The following PMP22 variants were observed in gnomAD, a reference collection of about 807,000 sequenced individuals.
PMP22 encodes Charcot-Marie-Tooth neuropathy 1A (greatly reduced nerve conduction velocity, hereditary motor sensory neuropathy Ia).
Under a neutral mutation model 18.9 loss-of-function variants are expected in PMP22, and 2 were observed. The observed-to-expected ratio is 0.11, with a 90% confidence interval of 0.04 to 0.33. The LOEUF (loss-of-function observed/expected upper bound fraction) is 0.33. Ranked by LOEUF, PMP22 falls within the 10% of genes least tolerant of loss-of-function variation. PMP22 has a pLI of 1.00. For synonymous variants in PMP22, 95 were observed against 89.2 expected (o/e 1.07, Z -0.37); for missense variants, 169 against 202.2 (o/e 0.84, Z 1.00).
rs575678394 is a variant in PMP22 at position 15,263,583 on chromosome 17, G to A, written c.-35+1571C>T. On this transcript the variant is annotated intron_variant, in intron 1 of 4. Coordinates refer to ENST00000312280, the MANE Select transcript of PMP22 (RefSeq NM_000304.4). ...AATGCAGCAGTTCACGCACGCGCGCGCACACACACACACACACACACTTCC... is the reference window on the plus strand; with the variant it reads ...AATGCAGCAGTTCACGCACGCGCGCACACACACACACACACACACACTTCC... Among the ~76,000 whole-genome samples the A allele has an allele frequency of 9.7e-3, 1,457 of 150,028 alleles. 22 individuals are homozygous for A. The highest frequency in any genetic ancestry group is 0.034 in the African/African-American group (1,374 of 40,834).
chr17:15,249,651 C>T (rs1908147899), intron 3 of PMP22, among the ~76,000 whole-genome samples: 1 of 152,160 alleles, frequency 6.6e-6, no homozygotes, highest in Non-Finnish European at 1.5e-5. Flanking sequence ...CAAGAAGAGG[C>T]CCTGCTTATG....
intron 1 of PMP22, among the ~76,000 whole-genome samples, chr17:15,264,230 G>A (rs7213153): frequency 0.062 from 5,266 of 84,840 alleles, 205 homozygotes; most frequent in East Asian, 0.3. Flanking sequence ...AGGTAGGTAG[G>A]TAGATAGATA....
chr17:15,257,053 G>T lies in PMP22; in HGVS notation c.178+2041C>A, dbSNP rs573165028. Among the ~76,000 whole-genome samples, 15 of 152,294 alleles carry T rather than the reference G, an allele frequency of 9.8e-5. 1 individual carries two copies. In the Middle Eastern group the frequency reaches 0.01, roughly 104 times the overall value. On this transcript the variant is annotated intron_variant, in intron 3 of 4. Transcript: ENST00000312280. ...TGTGAGAGCTGAGAAGGGAGATGTG[G>T]AAAACAGACACTCTGGGGTCCTCAC...
intron 3 of PMP22, among the ~76,000 whole-genome samples, chr17:15,245,786 C>G (rs1907747630): frequency 6.6e-6 from 1 of 151,722 alleles, no homozygotes; most frequent in Non-Finnish European, 1.5e-5. Flanking sequence ...GAGGGCAGAT[C>G]ACGAGGTCAG....
intron 3 of PMP22, among the ~76,000 whole-genome samples, chr17:15,244,015 T>C (rs1168184736): frequency 6.6e-6 from 1 of 152,046 alleles, no homozygotes; most frequent in Non-Finnish European, 1.5e-5. Flanking sequence ...TGTTGGCTAT[T>C]CATTTGGTAA....
chr17:15,252,142 G>T lies in PMP22; in HGVS notation c.178+6952C>A, dbSNP rs945253052. ...AAACATGAACCCATAAATGCAGAAG[G>T]TCTCCCGTGTTTTCTAAAATCTGGC... On this transcript the variant is annotated intron_variant, in intron 3 of 4. Coordinates refer to ENST00000312280, the MANE Select transcript of PMP22 (RefSeq NM_000304.4). Among the ~76,000 whole-genome samples, 6 of 152,052 alleles carry T rather than the reference G, an allele frequency of 3.9e-5. 1 individual carries two copies. Among genetic ancestry groups the T allele is most frequent in the Non-Finnish European group, 7.4e-5 (5 of 68,026 alleles).
At chr17:15,245,029 G>C (rs867873177) in intron 3 of PMP22, among the ~76,000 whole-genome samples, 18 of 152,288 alleles carry the variant, frequency 1.2e-4, no homozygotes, top group Middle Eastern at 6.8e-3. Context: ...CACATGCCCA[G>C]GAAAACAACA....
chr17:15,250,642 C>A (rs150006046), intron 3 of PMP22, among the ~76,000 whole-genome samples: 54 of 152,306 alleles, frequency 3.5e-4, no homozygotes, highest in African/African-American at 1.3e-3. Flanking sequence ...GTAGAGTCAT[C>A]TAGAATCATT....
intron 3 of PMP22, among the ~76,000 whole-genome samples, chr17:15,245,788 C>T (rs143551894): frequency 1.3e-5 from 2 of 151,624 alleles, no homozygotes; most frequent in Non-Finnish European, 2.9e-5. Flanking sequence ...GGGCAGATCA[C>T]GAGGTCAGGA....
chr17:15,258,967 C>T lies in PMP22; in HGVS notation c.178+127G>A. Reference sequence around the variant, plus strand: ...TTTCCCTGGACTCATGGCTCCCTGTCACATCCCACCCCACCCCAGCAACGA... The same window carrying T: ...TTTCCCTGGACTCATGGCTCCCTGTTACATCCCACCCCACCCCAGCAACGA... On this transcript the variant is annotated intron_variant, in intron 3 of 4. Transcript: ENST00000312280. The surrounding 1 kb of genome is among the most constrained non-coding windows in gnomAD (Gnocchi z 4.1). 1 of 747,774 alleles carries T rather than the reference C, an allele frequency of 1.3e-6. No homozygotes were observed. Among genetic ancestry groups the T allele is most frequent in the African/African-American group, 1.7e-5 (1 of 57,998 alleles). 46.3% of individuals were successfully genotyped at this position (747,774 alleles called of 1,614,324 possible).
intron 4 of PMP22, among the ~76,000 whole-genome samples, chr17:15,235,967 C>T (rs1393876228): frequency 6.6e-6 from 1 of 151,868 alleles, no homozygotes; most frequent in African/African-American, 2.4e-5. Context: ...ACCATGTTGG[C>T]CGGGCTGGTC....
intron 3 of PMP22, 24 bp downstream of exon 3, chr17:15,259,070 C>T (rs779731442): frequency 2.6e-6 from 4 of 1,536,916 alleles, no homozygotes; most frequent in Non-Finnish European, 3.6e-6. Flanking sequence ...AGGACAAGCT[C>T]ATGGAGCACA....
intron 4 of PMP22, among the ~76,000 whole-genome samples, chr17:15,237,469 C>T (rs951384736): frequency 6.6e-6 from 1 of 152,204 alleles, no homozygotes; most frequent in Non-Finnish European, 1.5e-5. Context: ...TCTTATAGTA[C>T]AGGCTTGTAT....
At chr17:15,262,933 C>T (rs1660988606) in intron 1 of PMP22, among the ~76,000 whole-genome samples, 1 of 152,322 alleles carries the variant, frequency 6.6e-6, no homozygotes, top group South Asian at 2.1e-4. Context: ...ACGCCGACCG[C>T]GCCCGCGCGG....
At position 15,259,094 on chromosome 17, in the gene PMP22, C is replaced by T; in HGVS notation, c.178G>A (p.Glu60Lys). Residue 60 changes from glutamate to lysine, a missense_variant and splice_region_variant, in exon 3 of 5, where the codon GAA becomes AAA. Physicochemically the swap from Glu to Lys is moderately conservative, Grantham distance 56. Transcript: ENST00000312280. ...VHHCFSSSPNEWLQSVQATMI... is the reference protein window; with the variant it reads ...VHHCFSSSPNKWLQSVQATMI... Reference sequence around the variant, plus strand: ...TCATGGAGCACAAAACCAGCCTCACCGTTTGGTGATGATGAGAAACAGTGG... The same window carrying T: ...TCATGGAGCACAAAACCAGCCTCACTGTTTGGTGATGATGAGAAACAGTGG... 4 of 1,607,812 alleles carry T rather than the reference C, an allele frequency of 2.5e-6. No individual in the cohort carries two copies. Among genetic ancestry groups the T allele is most frequent in the South Asian group, 2.2e-5 (2 of 90,912 alleles).
In PMP22 at chr17:15,261,699, CAG is replaced by C. The variant is rs1393040842; in HGVS notation, c.-34-940_-34-939del. 1.3e-5 allele frequency: 2 copies of C among 152,398 alleles called. No homozygotes were observed. The highest frequency in any genetic ancestry group is 1.9e-4 in the East Asian group (1 of 5,170). The allele number at this position is 152,398 out of a possible 1,614,324, so 9.4% of individuals were successfully genotyped here. A position where few individuals can be genotyped will look rare whatever the true frequency, so the allele number is the denominator to read the frequency against. ...ATGTCCAGCGGACGGGAGAGAGAGA[CAG>C]AGGGTAAAAGGCTGAGTCCGAGAAT... is the stretch of plus-strand genomic sequence containing the variant. On this transcript the variant is annotated intron_variant, in intron 1 of 4. Coordinates refer to ENST00000312280, the MANE Select transcript of PMP22 (RefSeq NM_000304.4). The surrounding 1 kb of genome is among the most constrained non-coding windows in gnomAD (Gnocchi z 5.2).
intron 4 of PMP22, 142 bp from the exon 5 acceptor site, chr17:15,231,222 G>C: frequency 1.2e-6 from 1 of 843,044 alleles, no homozygotes; most frequent in South Asian, 1.4e-5. Context: ...GTCCAGAATT[G>C]AAAGGAGGTA....
chr17:15,231,479 G>C (rs183578942), intron 4 of PMP22, among the ~76,000 whole-genome samples: 145 of 152,284 alleles, frequency 9.5e-4, no homozygotes, highest in African/African-American at 3.4e-3. Flanking sequence ...CTACAAGTGA[G>C]TGGTGGCATT....
At chr17:15,235,397 A>G in intron 4 of PMP22, 1 of 701,894 alleles carries the variant, frequency 1.4e-6, no homozygotes, top group Non-Finnish European at 2.6e-6. Context: ...AATAAATCAA[A>G]ACGTGCAAAT....
Sources: gnomAD v4.1 joint callset for allele counts (sites outside exome capture counted in the v4.1 genomes callset) on GRCh38, gnomAD v4.1.1 for gene constraint, Gnocchi (gnomAD v3.1) non-coding constraint, MANE v1.5 for transcripts, NCBI Gene and HGNC (gene_info 2026-07-23, HGNC 2026-07-21) for gene names.